Variants in PLD5 observed in about 807,000 individuals in gnomAD.
The protein encoded by PLD5 is inactive phospholipase D5.
A neutral mutation model predicts 61.1 loss-of-function variants in PLD5; 36 were observed. The ratio of observed to expected loss-of-function variants is 0.59; its 90% CI spans 0.45 to 0.78. The LOEUF is 0.78. Ranked by LOEUF, PLD5 falls within the 30% of genes least tolerant of loss-of-function variation. The pLI, the probability that PLD5 is intolerant of heterozygous loss-of-function variation, is 0.00. For missense variants in PLD5, 515 were observed against 644.4 expected, an observed-to-expected ratio of 0.80 and a Z score of 2.17; for synonymous variants, 243 against 242.8, an observed-to-expected ratio of 1.00 and a Z score of -0.01.
At chr1:242,190,179 T>C (rs1668166559) in intron 5 of PLD5, among the ~76,000 whole-genome samples, 1 of 128,192 alleles carries the variant, frequency 7.8e-6, no homozygotes, top group African/African-American at 3.0e-5. Flanking sequence ...GGAGTCTCGC[T>C]CTGTCGCCCA....
intron 9 of PLD5, among the ~76,000 whole-genome samples, chr1:242,097,568 A>G (rs1287351566): frequency 2.0e-5 from 3 of 152,128 alleles, no homozygotes; most frequent in South Asian, 2.1e-4. Context: ...GTGTCTGTTC[A>G]TATCCTTTGC....
chr1:242,331,314 G>A (rs531916819), intron 2 of PLD5, among the ~76,000 whole-genome samples: 1 of 152,208 alleles, frequency 6.6e-6, no homozygotes, highest in East Asian at 1.9e-4. Context: ...AAAAGACCTT[G>A]CCCTCCATTA....
At chr1:242,378,570 G>C (rs771559482) in intron 1 of PLD5, among the ~76,000 whole-genome samples, 1 of 152,122 alleles carries the variant, frequency 6.6e-6, no homozygotes, top group Non-Finnish European at 1.5e-5. Flanking sequence ...TCCAGGCATG[G>C]TGGCTTGCAC....
intron 5 of PLD5, among the ~76,000 whole-genome samples, chr1:242,139,276 TCAATTAGTAG>T (rs954176429): frequency 2.0e-4 from 31 of 152,182 alleles, no homozygotes; most frequent in Admixed American, 3.3e-4. Context: ...TTTTTCTTTT[TCAATTAGTAG>T]CCTGCCATGA....
intron 1 of PLD5, among the ~76,000 whole-genome samples, chr1:242,454,765 G>T (rs1250304749): frequency 1.3e-5 from 2 of 152,136 alleles, no homozygotes; most frequent in African/African-American, 4.8e-5. Flanking sequence ...GTGTTCCAGG[G>T]TCTAACATAT....
intron 5 of PLD5, among the ~76,000 whole-genome samples, chr1:242,209,667 G>GTCGC (rs1669669152): frequency 6.6e-6 from 1 of 151,378 alleles, no homozygotes. Flanking sequence ...CTGTTCCCCT[G>GTCGC]TCTCTCTCTC....
chr1:242,500,473 G>C (rs1009784666), intron 1 of PLD5, among the ~76,000 whole-genome samples: 1 of 152,158 alleles, frequency 6.6e-6, no homozygotes, highest in Non-Finnish European at 1.5e-5. Flanking sequence ...AAAATAATTT[G>C]CTAAGATACA....
At chr1:242,388,506 G>A (rs1405319857) in intron 1 of PLD5, among the ~76,000 whole-genome samples, 1 of 152,166 alleles carries the variant, frequency 6.6e-6, no homozygotes, top group Non-Finnish European at 1.5e-5. Context: ...ACTGAAGGGA[G>A]TGGTGGATAT....
intron 1 of PLD5, among the ~76,000 whole-genome samples, chr1:242,452,558 A>G (rs966519314): frequency 3.3e-5 from 5 of 152,180 alleles, no homozygotes; most frequent in Non-Finnish European, 5.9e-5. Flanking sequence ...ACTCACGCCT[A>G]TAATCCTAGC....
intron 2 of PLD5, among the ~76,000 whole-genome samples, chr1:242,306,731 A>G (rs1434131737): frequency 1.3e-5 from 2 of 150,494 alleles, no homozygotes; most frequent in Admixed American, 1.3e-4. Flanking sequence ...GAGAATAAGA[A>G]TTTATTAAAA....
chr1:242,136,687 A>G (rs1055003153), intron 5 of PLD5, among the ~76,000 whole-genome samples: 2 of 152,200 alleles, frequency 1.3e-5, no homozygotes, highest in African/African-American at 4.8e-5. Context: ...TACACATCCA[A>G]CCAACCTCTC....
chr1:242,497,360 TCTTA>T (rs1219769736), intron 1 of PLD5, among the ~76,000 whole-genome samples: 1 of 152,228 alleles, frequency 6.6e-6, no homozygotes, highest in Non-Finnish European at 1.5e-5. Context: ...CATCATTCTT[TCTTA>T]CTTATATTTA....
At chr1:242,391,879 A>G (rs1476115372) in intron 1 of PLD5, among the ~76,000 whole-genome samples, 1 of 152,174 alleles carries the variant, frequency 6.6e-6, no homozygotes, top group Non-Finnish European at 1.5e-5. Flanking sequence ...AAACAGAACC[A>G]CCATTTGACT....
intron 5 of PLD5, among the ~76,000 whole-genome samples, chr1:242,214,304 GGA>G (rs548882398): frequency 7.8e-4 from 119 of 152,270 alleles, no homozygotes; most frequent in African/African-American, 2.8e-3. Context: ...TACTGGCTGT[GGA>G]GAATTTTTCC....
rs528447794 is a variant in PLD5 at position 242,152,175 on chromosome 1, G to A, written c.736-27510C>T. 1.9e-3 allele frequency among the ~76,000 whole-genome samples: 285 copies of A among 151,980 alleles called. 1 individual carries two copies. The highest frequency in any genetic ancestry group is 6.5e-3 in the African/African-American group (269 of 41,458). On this transcript the variant is annotated intron_variant, in intron 5 of 9. Transcript: ENST00000536534. ...ATAATCCGTTTTCTTGCCGTTTCTG[G>A]GTTCTAGAGGCTGCTCACCTTCCCT... is the stretch of plus-strand genomic sequence containing the variant.
At chr1:242,181,139 C>G (rs1306320426) in intron 5 of PLD5, among the ~76,000 whole-genome samples, 1 of 152,132 alleles carries the variant, frequency 6.6e-6, no homozygotes, top group Non-Finnish European at 1.5e-5. Flanking sequence ...CACAAATCAC[C>G]TGGGGTGATT....
At chr1:242,395,007 A>ATATATATGAATATATATGTATATATG (rs1663444547) in intron 1 of PLD5, among the ~76,000 whole-genome samples, 3 of 98,592 alleles carry the variant, frequency 3.0e-5, no homozygotes, top group African/African-American at 1.2e-4. Context: ...GTATATATGA[A>ATATATATGAATATATATGTATATATG]TATATATGAA....
chr1:242,332,894 C>T (rs1659273494), intron 2 of PLD5, among the ~76,000 whole-genome samples: 1 of 152,142 alleles, frequency 6.6e-6, no homozygotes, highest in Non-Finnish European at 1.5e-5. Context: ...TATCAGAGGT[C>T]AGCTCTGGGC....
At chr1:242,489,509 C>G (rs140698796) in intron 1 of PLD5, among the ~76,000 whole-genome samples, 1 of 152,046 alleles carries the variant, frequency 6.6e-6, no homozygotes, top group Non-Finnish European at 1.5e-5. Context: ...AGAGGATGAG[C>G]TATATTGTAA....
Sources: allele counts gnomAD v4.1 joint callset (sites outside exome capture counted in the v4.1 genomes callset), GRCh38; gene constraint gnomAD v4.1.1; transcripts MANE v1.5; gene names NCBI Gene and HGNC (gene_info 2026-07-23, HGNC 2026-07-21).